Variants in GABRB1 observed in about 807,000 individuals in gnomAD.
The protein encoded by GABRB1 is gamma-aminobutyric acid receptor subunit beta-1.
In GABRB1, 17 loss-of-function variants were observed where a neutral mutation model predicts 51.6. The observed-to-expected ratio is 0.33, with a 90% CI of 0.23 to 0.49. GABRB1 has a LOEUF of 0.49. GABRB1 is among the 20% of genes least tolerant of loss of function. GABRB1 has a pLI of 0.99. For synonymous variants in GABRB1, 247 were observed against 218.9 expected (o/e 1.13, Z -1.14); for missense variants, 410 against 600.6 (o/e 0.68, Z 3.32).
At chr4:47,280,060 CT>C (rs755093967) in intron 4 of GABRB1, among the ~76,000 whole-genome samples, 140 of 151,748 alleles carry the variant, frequency 9.2e-4, no homozygotes, top group Non-Finnish European at 1.6e-3. Context: ...TTTGTAGATT[CT>C]TTATTGTTGC....
chr4:47,002,784 G>A (rs1724268550), intron 1 of GABRB1, among the ~76,000 whole-genome samples: 1 of 152,188 alleles, frequency 6.6e-6, no homozygotes, highest in Non-Finnish European at 1.5e-5. Context: ...AAAAGACTAT[G>A]AAGCCAGACT....
At chr4:47,388,348 C>G (rs957012053) in intron 5 of GABRB1, among the ~76,000 whole-genome samples, 4 of 152,054 alleles carry the variant, frequency 2.6e-5, no homozygotes, top group Admixed American at 6.6e-5. Flanking sequence ...AAACCGGGCT[C>G]TAGAAAAGTC....
At chr4:47,246,735 G>A (rs1193597853) in intron 4 of GABRB1, among the ~76,000 whole-genome samples, 1 of 151,824 alleles carries the variant, frequency 6.6e-6, no homozygotes, top group Admixed American at 6.6e-5. Context: ...AAGGAGTAAG[G>A]TGGTATCACG....
chr4:47,088,019 T>A (rs116222504), intron 3 of GABRB1, among the ~76,000 whole-genome samples: 1 of 152,184 alleles, frequency 6.6e-6, no homozygotes, highest in Admixed American at 6.5e-5. Flanking sequence ...TATGTGGAAA[T>A]GTTAAGTTGG....
intron 4 of GABRB1, among the ~76,000 whole-genome samples, chr4:47,182,492 G>A (rs111582483): frequency 3.3e-5 from 5 of 151,924 alleles, no homozygotes; most frequent in African/African-American, 9.7e-5. Flanking sequence ...CTTTTTATGT[G>A]CATAGGGAAT....
chr4:47,013,595 G>T (rs1724649421), intron 1 of GABRB1, among the ~76,000 whole-genome samples: 1 of 152,110 alleles, frequency 6.6e-6, no homozygotes, highest in Non-Finnish European at 1.5e-5. Flanking sequence ...CATTATTTAG[G>T]TTTAAGATAT....
intron 3 of GABRB1, among the ~76,000 whole-genome samples, chr4:47,045,602 C>G (rs1206014519): frequency 6.6e-6 from 1 of 151,984 alleles, no homozygotes; most frequent in Non-Finnish European, 1.5e-5. Flanking sequence ...CTGACAGATT[C>G]TGTGTCTGTT....
chr4:47,283,543 C>A (rs1208352131), intron 4 of GABRB1, among the ~76,000 whole-genome samples: 1 of 150,852 alleles, frequency 6.6e-6, no homozygotes, highest in South Asian at 2.1e-4. Flanking sequence ...CTGCCGCCAC[C>A]ACGCCCGGCT....
chr4:47,101,152 C>G lies in GABRB1; in HGVS notation c.241-60097C>G, dbSNP rs190490431. ...TTAGGACAGGGTCTGTCTGCACTCA[C>G]ATGTTTTCGAACTAGACTCCATGCC... On this transcript the variant is annotated intron_variant, in intron 3 of 8. Transcript: ENST00000295454. 4.9e-4 allele frequency among the ~76,000 whole-genome samples: 75 copies of G among 152,166 alleles called. 1 individual carries two copies. The highest frequency in any genetic ancestry group is 1.8e-3 in the African/African-American group (75 of 41,554).
chr4:47,178,835 T>C (rs1215835334), intron 4 of GABRB1, among the ~76,000 whole-genome samples: 1 of 152,104 alleles, frequency 6.6e-6, no homozygotes, highest in Non-Finnish European at 1.5e-5. Context: ...CATTTATGGT[T>C]GAATGTAGAG....
intron 4 of GABRB1, among the ~76,000 whole-genome samples, chr4:47,177,767 C>T (rs1223596171): frequency 2.6e-5 from 4 of 151,288 alleles, no homozygotes; most frequent in East Asian, 1.9e-4. Flanking sequence ...TAATGATATC[C>T]ATCTTTCAAA....
chr4:47,085,898 G>A (rs1014723979), intron 3 of GABRB1, among the ~76,000 whole-genome samples: 3 of 152,212 alleles, frequency 2.0e-5, no homozygotes, highest in Non-Finnish European at 2.9e-5. Context: ...ACCAGAAGCT[G>A]CCAGGCCTCT....
In GABRB1 at chr4:47,123,884, TATATATA is replaced by T. The variant is rs1172535706; in HGVS notation, c.241-37351_241-37345del. On this transcript the variant is annotated intron_variant, in intron 3 of 8. Coordinates refer to ENST00000295454, the MANE Select transcript of GABRB1 (RefSeq NM_000812.4). ...TATATGATATATATCTTATATATAATATATATAATATATAATATATTATATATTAATA... is the reference window on the plus strand; with the variant it reads ...TATATGATATATATCTTATATATAATATATATAATATATTATATATTAATA... 3.6e-4 allele frequency among the ~76,000 whole-genome samples: 29 copies of T among 81,658 alleles called. No homozygotes were observed. The South Asian group carries it at 7.7e-3, about 22-fold the overall frequency. 53.6% of individuals were successfully genotyped at this position (81,658 alleles called of 152,430 possible). A position where few individuals can be genotyped will look rare whatever the true frequency, so the allele number is the denominator to read the frequency against.
At chr4:47,165,429 A>T (rs2109745074) in intron 4 of GABRB1, among the ~76,000 whole-genome samples, 1 of 152,042 alleles carries the variant, frequency 6.6e-6, no homozygotes, top group South Asian at 2.1e-4. Context: ...TCTATCTCCA[A>T]CAACATGGTT....
intron 5 of GABRB1, among the ~76,000 whole-genome samples, chr4:47,362,282 A>G (rs922776135): frequency 3.9e-5 from 6 of 152,232 alleles, no homozygotes; most frequent in East Asian, 1.9e-4. Flanking sequence ...ATGGAACTAG[A>G]AGTCAGAGTG....
chr4:47,210,573 G>A (rs1257600819), intron 4 of GABRB1, among the ~76,000 whole-genome samples: 2 of 152,072 alleles, frequency 1.3e-5, no homozygotes, highest in Non-Finnish European at 2.9e-5. Context: ...CACTATTAGA[G>A]ACTATTAATT....
intron 4 of GABRB1, among the ~76,000 whole-genome samples, chr4:47,301,508 C>T (rs1260702907): frequency 6.6e-6 from 1 of 151,790 alleles, no homozygotes; most frequent in Non-Finnish European, 1.5e-5. Flanking sequence ...GTGGTGCGTG[C>T]CTGTAGTCCC....
intron 3 of GABRB1, among the ~76,000 whole-genome samples, chr4:47,091,685 T>C (rs1327648615): frequency 6.6e-6 from 1 of 152,156 alleles, no homozygotes; most frequent in African/African-American, 2.4e-5. Flanking sequence ...ACTCCCCCAA[T>C]CCTGGACCCA....
rs541291958 is a variant in GABRB1 at position 47,417,450 on chromosome 4, T to TC, written c.1081-8218dup. ...AGCATCAGCAGAACCTCCCATCTCCTCCCCCCGAGAAAAGGTTTCAGGAAT... is the reference window on the plus strand; with the variant it reads ...AGCATCAGCAGAACCTCCCATCTCCTCCCCCCCGAGAAAAGGTTTCAGGAAT... On this transcript the variant is annotated intron_variant, in intron 8 of 8. Transcript: ENST00000295454. 1.9e-3 allele frequency among the ~76,000 whole-genome samples: 286 copies of TC among 151,172 alleles called. 2 individuals are homozygous for TC. The highest frequency in any genetic ancestry group is 6.5e-3 in the African/African-American group (269 of 41,144).
Sources: allele counts gnomAD v4.1 joint callset (sites outside exome capture counted in the v4.1 genomes callset), GRCh38; gene constraint gnomAD v4.1.1; transcripts MANE v1.5; gene names NCBI Gene and HGNC (gene_info 2026-07-23, HGNC 2026-07-21).